The following IQCM variants were observed in gnomAD, a reference collection of about 807,000 sequenced individuals.
IQCM encodes the protein IQ domain-containing protein M.
IQCM carries 45 observed loss-of-function variants against 57.6 expected under a neutral mutation model. The ratio of observed to expected loss-of-function variants is 0.78; its 90% confidence interval spans 0.62 to 1.00. IQCM has a LOEUF of 1.00. Among genes scored for constraint, IQCM ranks in the 50% least tolerant of loss-of-function variants. The pLI, the probability that IQCM is intolerant of heterozygous loss-of-function variation, is 0.00. For synonymous variants in IQCM, 148 were observed against 158.9 expected (o/e 0.93, Z 0.51); for missense variants, 468 against 511.6 (o/e 0.91, Z 0.82).
chr4:149,778,227 T>G (rs1008726573), intron 2 of IQCM, among the ~76,000 whole-genome samples: 106 of 151,996 alleles, frequency 7.0e-4, no homozygotes, highest in Non-Finnish European at 1.4e-3. Context: ...ATACAAAAAA[T>G]TAGCCAGGCG....
chr4:149,749,523 G>A (rs538915132), intron 2 of IQCM, among the ~76,000 whole-genome samples: 1 of 152,246 alleles, frequency 6.6e-6, no homozygotes, highest in Non-Finnish European at 1.5e-5. Flanking sequence ...ATAGAGAACT[G>A]TGAGGAAAGA....
chr4:149,673,867 TTTG>T (rs1353827490), intron 7 of IQCM, among the ~76,000 whole-genome samples: 4 of 152,128 alleles, frequency 2.6e-5, no homozygotes, highest in Non-Finnish European at 5.9e-5. Context: ...GGCTAAGTTT[TTTG>T]TTGTTGTTTT....
At chr4:149,516,193 G>A (rs1744945876) in intron 12 of IQCM, among the ~76,000 whole-genome samples, 1 of 152,218 alleles carries the variant, frequency 6.6e-6, no homozygotes, top group African/African-American at 2.4e-5. Context: ...TGATCAGCCA[G>A]CTACCTGGTG....
chr4:149,429,846 G>A (rs1218851187), intron 13 of IQCM: 7 of 424,472 alleles, frequency 1.6e-5, no homozygotes, highest in Admixed American at 8.9e-5. Context: ...TCAAGGCTCT[G>A]GTAACTTACC....
At chr4:149,368,798 A>G (rs1251263655) in intron 13 of IQCM, among the ~76,000 whole-genome samples, 6 of 119,462 alleles carry the variant, frequency 5.0e-5, no homozygotes, top group Non-Finnish European at 7.0e-5. Flanking sequence ...ATATATACAT[A>G]TATATACATG....
chr4:149,653,631 T>C (rs1298475178), intron 7 of IQCM, among the ~76,000 whole-genome samples: 3 of 152,162 alleles, frequency 2.0e-5, no homozygotes, highest in Admixed American at 6.6e-5. Flanking sequence ...CAGAAGGAAA[T>C]TGAAAAGATT....
intron 8 of IQCM, among the ~76,000 whole-genome samples, chr4:149,620,245 C>T (rs999161697): frequency 5.3e-5 from 8 of 152,076 alleles, no homozygotes; most frequent in African/African-American, 1.7e-4. Flanking sequence ...GGAAAAGGGT[C>T]TCAGGAGAAA....
At chr4:149,779,375 A>G (rs2150005480) in intron 2 of IQCM, among the ~76,000 whole-genome samples, 1 of 152,330 alleles carries the variant, frequency 6.6e-6, no homozygotes, top group South Asian at 2.1e-4. Flanking sequence ...GATTTACTCT[A>G]TAGCTACAGT....
chr4:149,610,797 A>G (rs2150052317), intron 8 of IQCM, among the ~76,000 whole-genome samples: 1 of 152,252 alleles, frequency 6.6e-6, no homozygotes, highest in Admixed American at 6.5e-5. Flanking sequence ...ACACTCTAGG[A>G]TGTAGGTCTT....
intron 7 of IQCM, among the ~76,000 whole-genome samples, chr4:149,679,939 A>G (rs1337521409): frequency 6.6e-6 from 1 of 151,446 alleles, no homozygotes. Context: ...CGAAAGACAC[A>G]AAGTGTGGAC....
At chr4:149,372,754 A>C (rs1730447875) in intron 13 of IQCM, among the ~76,000 whole-genome samples, 1 of 152,048 alleles carries the variant, frequency 6.6e-6, no homozygotes, top group South Asian at 2.1e-4. Flanking sequence ...TCATACTCTC[A>C]ATTGCACCTC....
At chr4:149,466,952 C>A (rs1363730132) in intron 12 of IQCM, among the ~76,000 whole-genome samples, 1 of 152,194 alleles carries the variant, frequency 6.6e-6, no homozygotes, top group African/African-American at 2.4e-5. Context: ...GCACTAATCC[C>A]ATTCATGAAG....
chr4:149,580,654 G>A (rs1463565621), intron 9 of IQCM, among the ~76,000 whole-genome samples: 3 of 151,674 alleles, frequency 2.0e-5, no homozygotes, highest in Admixed American at 6.6e-5. Flanking sequence ...GGTGATGGGA[G>A]GGAGACTGCA....
At chr4:149,721,748 A>G (rs1765467005) in intron 5 of IQCM, among the ~76,000 whole-genome samples, 2 of 152,166 alleles carry the variant, frequency 1.3e-5, no homozygotes, top group Non-Finnish European at 2.9e-5. Context: ...GTGCTATGAT[A>G]AACACGTGCA....
chr4:149,807,453 A>G (rs1272272055), intron 2 of IQCM, among the ~76,000 whole-genome samples: 1 of 152,082 alleles, frequency 6.6e-6, no homozygotes, highest in African/African-American at 2.4e-5. Context: ...AAAGACTTAA[A>G]TGTAAGAACT....
intron 12 of IQCM, among the ~76,000 whole-genome samples, chr4:149,529,307 T>G (rs771389411): frequency 2.0e-5 from 3 of 152,136 alleles, no homozygotes; most frequent in Admixed American, 6.5e-5. Flanking sequence ...TCAAGTGATC[T>G]GCGGGCCTTG....
intron 2 of IQCM, among the ~76,000 whole-genome samples, chr4:149,746,581 C>T (rs1400719983): frequency 6.6e-6 from 1 of 152,152 alleles, no homozygotes; most frequent in African/African-American, 2.4e-5. Flanking sequence ...GCTCTTCTCT[C>T]TTATGCAACT....
At position 149,773,320 on chromosome 4, in the gene IQCM, C is replaced by T. The variant is rs1368069899; in HGVS notation, c.-48-30581G>A. On this transcript the variant is annotated intron_variant, in intron 2 of 13. Transcript: ENST00000636793. ...TGAGCCAAGATGGTGCCACTGCACT[C>T]CAGCCTGGGCGACGGAGCAAAACTC... is the stretch of plus-strand genomic sequence containing the variant. 4.6e-5 allele frequency among the ~76,000 whole-genome samples: 7 copies of T among 151,664 alleles called. No homozygotes were observed. In the East Asian group the frequency reaches 1.4e-3, roughly 30 times the overall value.
At chr4:149,386,330 T>A (rs912141047) in intron 13 of IQCM, among the ~76,000 whole-genome samples, 1 of 152,064 alleles carries the variant, frequency 6.6e-6, no homozygotes, top group African/African-American at 2.4e-5. Context: ...ATCACAATTA[T>A]TTTTCAAACA....
Sources: gnomAD v4.1 joint callset for allele counts (sites outside exome capture counted in the v4.1 genomes callset) on GRCh38, gnomAD v4.1.1 for gene constraint, MANE v1.5 for transcripts, NCBI Gene and HGNC (gene_info 2026-07-23, HGNC 2026-07-21) for gene names.